Variants in B4GALT5 observed in about 807,000 individuals in gnomAD.
B4GALT5 encodes the protein beta-1,4-galactosyltransferase 5, also known as UDP-Gal:beta-GlcNAc beta-1,4-galactosyltransferase 5.
Under a neutral mutation model 45.0 loss-of-function variants are expected in B4GALT5, and 11 were observed. The ratio of observed to expected loss-of-function variants is 0.24; its 90% CI spans 0.15 to 0.40. The LOEUF (loss-of-function observed/expected upper bound fraction) is 0.40. B4GALT5 is among the 10% of genes least tolerant of loss of function. The pLI is 1.00. For missense variants in B4GALT5, 337 were observed against 500.2 expected (o/e 0.67, Z 3.11); for synonymous variants, 185 against 182.9 (o/e 1.01, Z -0.09).
chr20:49,665,466 AATAATAATAATAATAATG>A (rs2085686295), intron 1 of B4GALT5, among the ~76,000 whole-genome samples: 2 of 146,056 alleles, frequency 1.4e-5, no homozygotes. Context: ...TAATAATAAT[AATAATAATAATAATAATG>A]AAGAAACATC....
intron 7 of B4GALT5, 96 bp downstream of exon 7, chr20:49,639,582 T>C (rs2122993540): frequency 5.3e-6 from 8 of 1,504,754 alleles, no homozygotes; most frequent in Non-Finnish European, 7.2e-6. Context: ...ACATGTTAAA[T>C]TACACACATG....
intron 1 of B4GALT5, among the ~76,000 whole-genome samples, chr20:49,690,196 G>C (rs2085804352): frequency 6.6e-6 from 1 of 152,136 alleles, no homozygotes; most frequent in Non-Finnish European, 1.5e-5. Context: ...AGTAGAGACA[G>C]GGTTTCGCCA....
chr20:49,686,564 C>T (rs959140584), intron 1 of B4GALT5, among the ~76,000 whole-genome samples: 1 of 151,718 alleles, frequency 6.6e-6, no homozygotes, highest in East Asian at 1.9e-4. Flanking sequence ...TTTTTAGGAC[C>T]CTAGAATTTA....
chr20:49,648,552 G>C (rs3787324), intron 2 of B4GALT5, among the ~76,000 whole-genome samples: 70,974 of 151,978 alleles, frequency 0.47, 17,563 homozygotes, highest in South Asian at 0.65. Context: ...TGAGCAGTCA[G>C]TTTTCTTGGG....
At position 49,639,737 on chromosome 20, in the gene B4GALT5, G is replaced by T; in HGVS notation, c.858C>A (p.Ile286=). The T allele has an allele frequency of 3.7e-6, 6 of 1,613,802 alleles. No homozygotes were observed. Among genetic ancestry groups the T allele is most frequent in the Non-Finnish European group, 5.1e-6 (6 of 1,179,786 alleles). Residue 286 remains isoleucine (I), a synonymous_variant, in exon 7 of 9, where the codon ATC becomes ATA. Coordinates refer to ENST00000371711, the MANE Select transcript of B4GALT5 (RefSeq NM_004776.4). ...CCCAGAAAGCATTAGGAAAGCCATT[G>T]ATTTTCCGAAATTGTTCCACTGTTA... ...SGLTVEQFRK[I]NGFPNAFWGW...
chr20:49,689,610 T>A (rs529841428), intron 1 of B4GALT5, among the ~76,000 whole-genome samples: 2 of 152,328 alleles, frequency 1.3e-5, no homozygotes, highest in African/African-American at 4.8e-5. Context: ...TAATCCATCT[T>A]ACTTTGTGAC....
At chr20:49,699,646 C>G (rs888043008) in intron 1 of B4GALT5, among the ~76,000 whole-genome samples, 2 of 152,026 alleles carry the variant, frequency 1.3e-5, no homozygotes, top group African/African-American at 4.8e-5. Flanking sequence ...AGATGAATAA[C>G]AATGTAAAAG....
Position 49,646,953 on chromosome 20 carries a change from A to G in B4GALT5, c.364+12T>C, listed in dbSNP as rs753150628. On this transcript the variant is annotated intron_variant, in intron 3 of 8. Transcript: ENST00000371711. ...TTAAAAGCAGAGGAAGACAGGCCAG[A>G]GCTGTACTCACTCATGGAAGGGAGT... 32 of 1,548,562 alleles carry G rather than the reference A, an allele frequency of 2.1e-5. No homozygotes were observed. In the East Asian group the frequency reaches 6.3e-4, roughly 30 times the overall value.
chr20:49,671,821 C>T (rs2085717221), intron 1 of B4GALT5, among the ~76,000 whole-genome samples: 1 of 150,114 alleles, frequency 6.7e-6, no homozygotes, highest in South Asian at 2.1e-4. Flanking sequence ...TTTAGGAATG[C>T]TGCCTTTGGG....
intron 1 of B4GALT5, among the ~76,000 whole-genome samples, chr20:49,712,717 GA>G (rs1170023829): frequency 1.3e-5 from 2 of 150,844 alleles, no homozygotes; most frequent in African/African-American, 4.9e-5. Flanking sequence ...GGCAGAAGTG[GA>G]AGAAAGAACA....
intron 1 of B4GALT5, chr20:49,684,629 G>T: frequency 1.9e-6 from 1 of 518,898 alleles, no homozygotes; most frequent in Non-Finnish European, 3.8e-6. Context: ...CGCAAAATCA[G>T]CAAGTGCCAT....
chr20:49,650,913 ACAGTTT>A (rs1419064384), intron 2 of B4GALT5, among the ~76,000 whole-genome samples: 1 of 147,392 alleles, frequency 6.8e-6, no homozygotes, highest in Non-Finnish European at 1.5e-5. Flanking sequence ...TTCTACAGCC[ACAGTTT>A]TACTTTTTAA....
rs1383273322 is a variant in B4GALT5, at chr20:49,657,385, T to C, written c.116-683A>G. ...ATGAGTGTTCAGATTAACCTGCCAA[T>C]CTTGTCTTCTTTGGAAAGTGATCTC... On this transcript the variant is annotated intron_variant, in intron 1 of 8. Coordinates refer to ENST00000371711, the MANE Select transcript of B4GALT5 (RefSeq NM_004776.4). Among the ~76,000 whole-genome samples, 3 of 152,186 alleles carry C rather than the reference T, an allele frequency of 2.0e-5. No homozygotes were observed. In the South Asian group the frequency reaches 6.2e-4, roughly 32 times the overall value.
In B4GALT5 at chr20:49,633,766, C is replaced by G. The variant is rs889888634; in HGVS notation, c.*2546G>C. 1.3e-5 allele frequency: 2 copies of G among 152,478 alleles called. No individual in the cohort carries two copies. The highest frequency in any genetic ancestry group is 4.8e-5 in the African/African-American group (2 of 41,408). 9.4% of individuals were successfully genotyped at this position (152,478 alleles called of 1,614,324 possible). On this transcript the variant is annotated 3_prime_UTR_variant, in exon 9 of 9. Transcript: ENST00000371711. ...AAACAAGATCGCCTGACAACACTGC[C>G]GCATACACATACGGCACCCAGGACT...
intron 1 of B4GALT5, among the ~76,000 whole-genome samples, chr20:49,662,625 T>C (rs550522076): frequency 2.0e-5 from 3 of 152,328 alleles, no homozygotes; most frequent in African/African-American, 7.2e-5. Flanking sequence ...CAAAATACTG[T>C]AAGTTAACCA....
At chr20:49,640,156 C>A (rs563635956) in intron 6 of B4GALT5, among the ~76,000 whole-genome samples, 32 of 152,300 alleles carry the variant, frequency 2.1e-4, no homozygotes, top group African/African-American at 7.7e-4. Flanking sequence ...CCTCCTTAGC[C>A]CCTTATAACC....
chr20:49,674,926 C>T (rs924261803), intron 1 of B4GALT5, among the ~76,000 whole-genome samples: 2 of 152,278 alleles, frequency 1.3e-5, no homozygotes, highest in Non-Finnish European at 2.9e-5. Flanking sequence ...ACTCTACCCA[C>T]AATGGACAGT....
At chr20:49,655,413 CAA>C (rs2085638689) in intron 2 of B4GALT5, among the ~76,000 whole-genome samples, 1 of 151,950 alleles carries the variant, frequency 6.6e-6, no homozygotes. Flanking sequence ...GCCTGGGTGA[CAA>C]GAGCAAAACT....
Position 49,683,909 on chromosome 20 carries a change from G to A in B4GALT5, c.116-27207C>T, listed in dbSNP as rs559949966. On this transcript the variant is annotated intron_variant, in intron 1 of 8. Coordinates refer to ENST00000371711, the MANE Select transcript of B4GALT5 (RefSeq NM_004776.4). ...TAATCCCAGCACTTTGGGAGGCCGA[G>A]GTGGGTGGATCACTTGAGGTCAGAA... Among the ~76,000 whole-genome samples the A allele has an allele frequency of 9.2e-5, 14 of 152,026 alleles. No individual in the cohort carries two copies. In the East Asian group the frequency reaches 2.2e-3, roughly 23 times the overall value.
Sources: allele counts gnomAD v4.1 joint callset (sites outside exome capture counted in the v4.1 genomes callset), GRCh38; gene constraint gnomAD v4.1.1; transcripts MANE v1.5; gene names NCBI Gene and HGNC (gene_info 2026-07-23, HGNC 2026-07-21).